The following FOCAD variants were observed in gnomAD, a reference collection of about 807,000 sequenced individuals.
FOCAD encodes the protein KIAA1797.
FOCAD carries 198 observed loss-of-function variants against 225.6 expected under a neutral mutation model. That is an observed-to-expected ratio of 0.88 (90% confidence interval 0.78 to 0.99). The LOEUF (loss-of-function observed/expected upper bound fraction) is 0.99. Ranked by LOEUF, FOCAD falls within the 50% of genes least tolerant of loss-of-function variation. The pLI, the probability that FOCAD is intolerant of heterozygous loss-of-function variation, is 0.00. For synonymous variants in FOCAD, 897 were observed against 755.0 expected (o/e 1.19, Z -3.08); for missense variants, 2,713 against 2,123.6 (o/e 1.28, Z -5.46).
At chr9:20,840,678 T>C (rs1442469204) in intron 15 of FOCAD, among the ~76,000 whole-genome samples, 8 of 151,748 alleles carry the variant, frequency 5.3e-5, no homozygotes. Flanking sequence ...AACTGCAAAA[T>C]AAGGTAATTT....
intron 7 of FOCAD, among the ~76,000 whole-genome samples, chr9:20,767,735 A>G (rs1437919710): frequency 6.9e-6 from 1 of 145,846 alleles, no homozygotes; most frequent in Non-Finnish European, 1.5e-5. Flanking sequence ...GCCCTTTGTC[A>G]GATGAGTAGG....
intron 35 of FOCAD, among the ~76,000 whole-genome samples, chr9:20,966,964 T>C (rs1346457459): frequency 6.6e-6 from 1 of 151,990 alleles, no homozygotes; most frequent in Non-Finnish European, 1.5e-5. Flanking sequence ...ATGAGTTCTG[T>C]ACATTTTTCT....
chr9:20,714,992 T>C (rs901216660), intron 1 of FOCAD, among the ~76,000 whole-genome samples: 8 of 152,198 alleles, frequency 5.3e-5, no homozygotes, highest in Non-Finnish European at 1.2e-4. Flanking sequence ...TAAGTTTTGA[T>C]CCACAAAAGA....
chr9:20,693,858 G>A (rs1026480442), intron 1 of FOCAD, among the ~76,000 whole-genome samples: 5 of 152,170 alleles, frequency 3.3e-5, no homozygotes, highest in African/African-American at 7.2e-5. Context: ...TTACAGGTGC[G>A]TGCTTCCACG....
In FOCAD at chr9:20,990,350, G is replaced by T; in HGVS notation, c.5232G>T (p.Glu1744Asp). 6.2e-7 allele frequency: 1 copy of T among 1,613,842 alleles called. No homozygotes were observed. Among genetic ancestry groups the T allele is most frequent in the East Asian group, 2.2e-5 (1 of 44,820 alleles). ...PNSMALLLQK[E>D]PWKEQTQKFI... ...GCATGGCTCTGCTGCTGCAGAAAGA[G>T]CCATGGAAGGAACAGACCCAGAAGG... Residue 1744 changes from glutamate (E) to aspartate (D), a missense_variant, in exon 42 of 44, where the codon GAG (glutamate) becomes GAT (aspartate). Transcript: ENST00000338382.
At chr9:20,811,494 T>G (rs1345260331) in intron 11 of FOCAD, among the ~76,000 whole-genome samples, 5 of 152,102 alleles carry the variant, frequency 3.3e-5, no homozygotes, top group African/African-American at 4.8e-5. Flanking sequence ...TTGGGACCTT[T>G]GCTAGTTTAG....
chr9:20,740,295 A>G lies in FOCAD; in HGVS notation c.347A>G (p.Glu116Gly). ...MHLLQMQALK[E>G]GQGGEKNIQS... ...TTACTACAAATGCAAGCTCTTAAGG[A>G]AGGACAAGGTGGGGAAAAGAATATT... The change falls in exon 5 of 44, where the codon GAA becomes GGA. Residue 116 changes from glutamate (E) to glycine (G), a missense_variant. By Grantham distance (98) the Glu-to-Gly change is moderately conservative. Coordinates refer to ENST00000338382, the MANE Select transcript of FOCAD (RefSeq NM_001375567.1). 6.2e-7 allele frequency: 1 copy of G among 1,612,528 alleles called. No homozygotes were observed. Among genetic ancestry groups the G allele is most frequent in the Non-Finnish European group, 8.5e-7 (1 of 1,178,976 alleles).
At chr9:20,871,268 T>G (rs1446778258) in intron 18 of FOCAD, among the ~76,000 whole-genome samples, 1 of 152,154 alleles carries the variant, frequency 6.6e-6, no homozygotes, top group Non-Finnish European at 1.5e-5. Context: ...AAAGCTTAGT[T>G]ATAATAGGCA....
At chr9:20,722,872 C>G (rs1825895866) in intron 4 of FOCAD, among the ~76,000 whole-genome samples, 1 of 152,088 alleles carries the variant, frequency 6.6e-6, no homozygotes, top group African/African-American at 2.4e-5. Context: ...TTTCAAATGC[C>G]TTAAAAATCT....
At chr9:20,750,181 T>A (rs993718455) in intron 5 of FOCAD, among the ~76,000 whole-genome samples, 6 of 152,190 alleles carry the variant, frequency 3.9e-5, no homozygotes, top group African/African-American at 1.4e-4. Flanking sequence ...TTCTGTCATT[T>A]GCAACAACAT....
At chr9:20,954,815 A>G (rs1440885858) in intron 35 of FOCAD, among the ~76,000 whole-genome samples, 5 of 152,202 alleles carry the variant, frequency 3.3e-5, no homozygotes, top group African/African-American at 7.2e-5. Flanking sequence ...AGGAAAATCT[A>G]TTCAGCCTTA....
At chr9:20,804,727 T>G (rs937146857) in intron 11 of FOCAD, among the ~76,000 whole-genome samples, 10 of 152,122 alleles carry the variant, frequency 6.6e-5, no homozygotes, top group African/African-American at 2.4e-4. Flanking sequence ...TATTAGAGAC[T>G]CTGGAGGACA....
chr9:20,834,742 G>A (rs1007795942), intron 15 of FOCAD, among the ~76,000 whole-genome samples: 2 of 151,984 alleles, frequency 1.3e-5, no homozygotes, highest in African/African-American at 2.4e-5. Flanking sequence ...AGGGACAGGA[G>A]GAAATTTTCT....
chr9:20,970,334 A>G (rs530014431), intron 35 of FOCAD, among the ~76,000 whole-genome samples: 2 of 152,116 alleles, frequency 1.3e-5, no homozygotes, highest in South Asian at 2.1e-4. Flanking sequence ...TGTTATGCCT[A>G]CGTTGGTATG....
At chr9:20,770,665 A>C (rs1027982887) in intron 8 of FOCAD, among the ~76,000 whole-genome samples, 1 of 152,222 alleles carries the variant, frequency 6.6e-6, no homozygotes, top group South Asian at 2.1e-4. Context: ...AAACCATATC[A>C]GATAGACGTT....
At chr9:20,843,391 A>C (rs1053187489) in intron 15 of FOCAD, among the ~76,000 whole-genome samples, 1 of 152,042 alleles carries the variant, frequency 6.6e-6, no homozygotes, top group African/African-American at 2.4e-5. Flanking sequence ...CAAGGATAGA[A>C]ATTTTTTTGC....
At chr9:20,805,191 A>G (rs1184499395) in intron 11 of FOCAD, among the ~76,000 whole-genome samples, 2 of 152,194 alleles carry the variant, frequency 1.3e-5, no homozygotes, top group African/African-American at 4.8e-5. Context: ...GGGTCTTTGA[A>G]TGCATGTACG....
At chr9:20,677,797 T>C (rs1822279514) in intron 2 of FOCAD, among the ~76,000 whole-genome samples, 1 of 152,132 alleles carries the variant, frequency 6.6e-6, no homozygotes. Flanking sequence ...TACTAAAAAA[T>C]AGAACTATAT....
At chr9:20,738,538 C>T (rs1467600155) in intron 4 of FOCAD, among the ~76,000 whole-genome samples, 1 of 152,174 alleles carries the variant, frequency 6.6e-6, no homozygotes, top group Non-Finnish European at 1.5e-5. Context: ...AGGATCCACA[C>T]AGGAGAGAAA....
Sources: allele counts gnomAD v4.1 joint callset (sites outside exome capture counted in the v4.1 genomes callset), GRCh38; gene constraint gnomAD v4.1.1; transcripts MANE v1.5; gene names NCBI Gene and HGNC (gene_info 2026-07-23, HGNC 2026-07-21).